SORCS1: variants seen among roughly 807,000 people sequenced by gnomAD.
The protein encoded by SORCS1 is sortilin related VPS10 domain containing receptor 1, also known as VPS10 domain-containing receptor SorCS1.
In SORCS1, 60 loss-of-function variants were observed where a neutral mutation model predicts 146.1. The observed-to-expected ratio is 0.41, with a 90% CI of 0.33 to 0.51. The LOEUF (loss-of-function observed/expected upper bound fraction) is 0.51. SORCS1 is among the 20% of genes least tolerant of loss of function. SORCS1 has a pLI of 0.21. For synonymous variants in SORCS1, 637 were observed against 584.0 expected (o/e 1.09, Z -1.31); for missense variants, 1,352 against 1,487.6 (o/e 0.91, Z 1.50).
rs375235565 is a variant in SORCS1, at chr10:107,098,633, T to C, written c.558+65336A>G. 6.6e-5 allele frequency among the ~76,000 whole-genome samples: 10 copies of C among 152,382 alleles called. No individual in the cohort carries two copies. The East Asian group carries it at 1.7e-3, about 26-fold the overall frequency. ...CTATTTTATAAGGGAAGAGGAAATTTAATTAATGCCTTTGTGGCATAACTT... is the reference window on the plus strand; with the variant it reads ...CTATTTTATAAGGGAAGAGGAAATTCAATTAATGCCTTTGTGGCATAACTT... On this transcript the variant is annotated intron_variant, in intron 1 of 25. Coordinates refer to ENST00000263054, the MANE Select transcript of SORCS1 (RefSeq NM_052918.5).
At chr10:106,840,881 G>C (rs1241721044) in intron 2 of SORCS1, among the ~76,000 whole-genome samples, 1 of 143,556 alleles carries the variant, frequency 7.0e-6, no homozygotes, top group Non-Finnish European at 1.5e-5. Flanking sequence ...TTTTTGGATG[G>C]AGTCTTGCTC....
chr10:106,761,310 C>A (rs1163608076), intron 5 of SORCS1, among the ~76,000 whole-genome samples: 1 of 152,002 alleles, frequency 6.6e-6, no homozygotes, highest in Non-Finnish European at 1.5e-5. Flanking sequence ...AAGGTTCCAC[C>A]AAAATATAAC....
Position 106,944,871 on chromosome 10 carries a change from CTTCTTTT to C in SORCS1, c.626+11635_626+11641del, listed in dbSNP as rs1954237274. Among the ~76,000 whole-genome samples, 48 of 61,022 alleles carry C rather than the reference CTTCTTTT, an allele frequency of 7.9e-4. 6 individuals carry two copies. Among genetic ancestry groups the C allele is most frequent in the African/African-American group, 2.0e-3 (44 of 22,388 alleles). The allele number at this position is 61,022 out of a possible 152,430, so 40.0% of individuals were successfully genotyped here. ...ATGGTAGAAAGAAGCAAGAAAGAGC[CTTCTTTT>C]TTTTTTTTTTTTTTTTTTTTTTTTG... is the stretch of plus-strand genomic sequence containing the variant. On this transcript the variant is annotated intron_variant, in intron 2 of 25. Coordinates refer to ENST00000263054, the MANE Select transcript of SORCS1 (RefSeq NM_052918.5).
intron 1 of SORCS1, among the ~76,000 whole-genome samples, chr10:106,977,966 T>C (rs1564880307): frequency 6.6e-6 from 1 of 152,182 alleles, no homozygotes; most frequent in Non-Finnish European, 1.5e-5. Context: ...TTTTTTGAGA[T>C]GGAGTTTTGC....
At chr10:106,717,030 A>G (rs147580234) in intron 6 of SORCS1, among the ~76,000 whole-genome samples, 191 of 152,308 alleles carry the variant, frequency 1.3e-3, no homozygotes, top group Non-Finnish European at 2.4e-3. Context: ...TTTAGCACCA[A>G]ATACTTTAAT....
chr10:106,614,449 G>T (rs1172037333), intron 21 of SORCS1, among the ~76,000 whole-genome samples: 1 of 152,136 alleles, frequency 6.6e-6, no homozygotes, highest in African/African-American at 2.4e-5. Flanking sequence ...TTCCAAAGAG[G>T]TATTGTTCAA....
At chr10:107,107,346 T>C (rs1304894481) in intron 1 of SORCS1, among the ~76,000 whole-genome samples, 1 of 152,172 alleles carries the variant, frequency 6.6e-6, no homozygotes, top group South Asian at 2.1e-4. Flanking sequence ...CAGACAGAAA[T>C]AAGGAACATA....
chr10:107,081,610 G>A (rs1963340037), intron 1 of SORCS1, among the ~76,000 whole-genome samples: 1 of 152,072 alleles, frequency 6.6e-6, no homozygotes, highest in Admixed American at 6.6e-5. Context: ...ATGTATTGTT[G>A]CTTATGGCTA....
intron 1 of SORCS1, among the ~76,000 whole-genome samples, chr10:107,139,372 TTCTATTACTATTTA>T (rs1967606706): frequency 6.6e-6 from 1 of 152,174 alleles, no homozygotes; most frequent in Non-Finnish European, 1.5e-5. Context: ...AAAATGCAAT[TTCTATTACTATTTA>T]TCTATCTAAA....
chr10:107,165,829 CCTAAGCTTT>C (rs1260191051), upstream of SORCS1, among the ~76,000 whole-genome samples: 1 of 152,142 alleles, frequency 6.6e-6, no homozygotes, highest in African/African-American at 2.4e-5. The surrounding 1 kb of genome is among the most constrained non-coding windows in gnomAD (Gnocchi z 4.0). Context: ...CTGTCAGCTT[CCTAAGCTTT>C]AAAATTAAAT....
chr10:106,962,612 C>T (rs1358129071), intron 1 of SORCS1, among the ~76,000 whole-genome samples: 1 of 152,056 alleles, frequency 6.6e-6, no homozygotes, highest in African/African-American at 2.4e-5. Flanking sequence ...TTTCCAAATC[C>T]TGAATAATGT....
intron 2 of SORCS1, among the ~76,000 whole-genome samples, chr10:106,920,000 C>T (rs1052182650): frequency 9.9e-5 from 15 of 152,186 alleles, no homozygotes; most frequent in African/African-American, 3.6e-4. Context: ...GCTTCCTCCT[C>T]AGAGGTTGCT....
chr10:107,042,366 G>A (rs1213607684), intron 1 of SORCS1, among the ~76,000 whole-genome samples: 1 of 152,216 alleles, frequency 6.6e-6, no homozygotes, highest in African/African-American at 2.4e-5. Flanking sequence ...AATTCTCAAA[G>A]AGACTCACAT....
chr10:106,954,651 G>A lies in SORCS1; in HGVS notation c.626+1862C>T, dbSNP rs895910597. ...AATGAATAGGTACAAATCCCTTAGC[G>A]TAGAGGAGCTCCTTGAATACCAGCA... On this transcript the variant is annotated intron_variant, in intron 2 of 25. Coordinates refer to ENST00000263054, the MANE Select transcript of SORCS1 (RefSeq NM_052918.5). Among the ~76,000 whole-genome samples, 7 of 152,220 alleles carry A rather than the reference G, an allele frequency of 4.6e-5. No individual in the cohort carries two copies. The East Asian group carries it at 5.8e-4, about 13-fold the overall frequency.
intron 1 of SORCS1, among the ~76,000 whole-genome samples, chr10:106,989,271 GAAAAAAAAA>G (rs1161174866): frequency 1.2e-4 from 9 of 75,670 alleles, no homozygotes; most frequent in African/African-American, 1.9e-4. Flanking sequence ...CTCCACCTCA[GAAAAAAAAA>G]AAAAAAAAAA....
intron 6 of SORCS1, among the ~76,000 whole-genome samples, chr10:106,724,727 C>A (rs987921280): frequency 9.9e-5 from 15 of 152,182 alleles, no homozygotes; most frequent in African/African-American, 3.4e-4. Context: ...TCACAACACA[C>A]TCCATGGGGA....
chr10:106,586,308 T>C (rs1037385282), intron 24 of SORCS1, among the ~76,000 whole-genome samples: 1 of 152,242 alleles, frequency 6.6e-6, no homozygotes, highest in Non-Finnish European at 1.5e-5. Context: ...AGGACAGTCC[T>C]GATCACTCTA....
At chr10:106,971,581 G>A (rs1046138999) in intron 1 of SORCS1, among the ~76,000 whole-genome samples, 1 of 152,196 alleles carries the variant, frequency 6.6e-6, no homozygotes, top group Non-Finnish European at 1.5e-5. Flanking sequence ...CTGATTAAAG[G>A]ATTAAATGTT....
intron 6 of SORCS1, among the ~76,000 whole-genome samples, chr10:106,722,170 G>C (rs565580746): frequency 3.0e-4 from 42 of 139,820 alleles, no homozygotes; most frequent in African/African-American, 1.2e-3. Flanking sequence ...ACAATAAAAA[G>C]ATAAGAGTTT....
Sources: gnomAD v4.1 joint callset for allele counts (sites outside exome capture counted in the v4.1 genomes callset) on GRCh38, gnomAD v4.1.1 for gene constraint, Gnocchi (gnomAD v3.1) non-coding constraint, MANE v1.5 for transcripts, NCBI Gene and HGNC (gene_info 2026-07-23, HGNC 2026-07-21) for gene names.